POMT1: variants seen among roughly 807,000 people sequenced by gnomAD.
POMT1 encodes the protein protein O-mannosyl-transferase 1.
A neutral mutation model predicts 101.6 loss-of-function variants in POMT1; 85 were observed. That is an observed-to-expected ratio of 0.84 (90% CI 0.70 to 1.00). POMT1 has a LOEUF of 1.00. Among genes scored for constraint, POMT1 ranks in the 50% least tolerant of loss-of-function variants. POMT1 has a pLI of 0.00. For missense variants in POMT1, 857 were observed against 930.4 expected, an observed-to-expected ratio of 0.92 and a Z score of 1.03; for synonymous variants, 371 against 383.0, an observed-to-expected ratio of 0.97 and a Z score of 0.37.
Position 131,522,976 on chromosome 9 carries a change from G to C in POMT1, c.2048G>C (p.Trp683Ser). The stretch of plus-strand genomic sequence containing the variant: ...ATCTTCAGCGCCCTGGTGGTGGCCT[G>C]GTACTCCTCCGCGTGCCACGTGTCC... ...RSIFSALVVA[W>S]YSSACHVSNT... The change falls in exon 20 of 20, where the codon TGG becomes TCG. Residue 683 changes from tryptophan (W) to serine (S), a missense_variant. Physicochemically the swap from Trp to Ser is radical, Grantham distance 177. Coordinates refer to ENST00000402686, the MANE Select transcript of POMT1 (RefSeq NM_001077365.2). The surrounding 1 kb of genome is among the most constrained non-coding windows in gnomAD (Gnocchi z 5.5). 1.9e-6 allele frequency: 3 copies of C among 1,603,750 alleles called. No homozygotes were observed. Among genetic ancestry groups the C allele is most frequent in the Non-Finnish European group, 2.5e-6 (3 of 1,176,842 alleles).
chr9:131,522,370 G>T lies in POMT1; in HGVS notation c.2003+146G>T. ...CGGGTCCCTCCGGGGAATGGGTGAGGTTCAGAAGAGATGCCCAGATGAGGC... is the reference window on the plus strand; with the variant it reads ...CGGGTCCCTCCGGGGAATGGGTGAGTTTCAGAAGAGATGCCCAGATGAGGC... On this transcript the variant is annotated intron_variant, in intron 19 of 19. Transcript: ENST00000402686. This position sits in a 1 kb window ranked among gnomAD's most constrained non-coding sequence, Gnocchi z 5.5. The T allele has an allele frequency of 6.8e-7, 1 of 1,459,996 alleles. No individual in the cohort carries two copies. Among genetic ancestry groups the T allele is most frequent in the Non-Finnish European group, 9.1e-7 (1 of 1,095,386 alleles). 90.4% of individuals were successfully genotyped at this position (1,459,996 alleles called of 1,614,324 possible). A position where few individuals can be genotyped will look rare whatever the true frequency, so the allele number is the denominator to read the frequency against.
In POMT1 at chr9:131,522,999, T is replaced by G. The variant is rs763164453; in HGVS notation, c.2071T>G (p.Ser691Ala). Residue 691 changes from serine (S) to alanine (A), a missense_variant, in exon 20 of 20, where the codon TCC becomes GCC. Transcript: ENST00000402686. This position sits in a 1 kb window ranked among gnomAD's most constrained non-coding sequence, Gnocchi z 5.5. The stretch of plus-strand genomic sequence containing the variant: ...CTGGTACTCCTCCGCGTGCCACGTG[T>G]CCAACACGCTGCGCCCACTCACCTA... ...VAWYSSACHV[S>A]NTLRPLTYGD... 12 of 1,608,870 alleles carry G rather than the reference T, an allele frequency of 7.5e-6. No homozygotes were observed. In the South Asian group the frequency reaches 1.3e-4, roughly 18 times the overall value.
chr9:131,506,959 C>T (rs538541655), intron 4 of POMT1, among the ~76,000 whole-genome samples: 4 of 151,562 alleles, frequency 2.6e-5, no homozygotes, highest in East Asian at 1.9e-4. Context: ...CCCAGCAACT[C>T]GGGAGGCTGA....
chr9:131,515,934 G>A (rs1264002762), intron 13 of POMT1, among the ~76,000 whole-genome samples: 14 of 97,762 alleles, frequency 1.4e-4, no homozygotes, highest in Admixed American at 4.6e-4. Context: ...CTCACAGGGA[G>A]CACTTCCTCA....
Position 131,518,324 on chromosome 9 carries a change from T to G in POMT1, c.1273-121T>G, listed in dbSNP as rs1183519810. The G allele has an allele frequency of 4.5e-6, 4 of 898,150 alleles. No homozygotes were observed. The East Asian group carries it at 9.7e-5, about 22-fold the overall frequency. 55.6% of individuals were successfully genotyped at this position (898,150 alleles called of 1,614,324 possible). On this transcript the variant is annotated intron_variant, in intron 13 of 19. Coordinates refer to ENST00000402686, the MANE Select transcript of POMT1 (RefSeq NM_001077365.2). ...CCAGCCCCTTATAGCTTCCCTCACT[T>G]GGGGACTTGTCCCTTTGTCTCAGGC...
Position 131,519,353 on chromosome 9 carries a change from T to TA in POMT1, c.1487-35dup. 6.5e-7 allele frequency: 1 copy of TA among 1,542,650 alleles called. No homozygotes were observed. On this transcript the variant is annotated intron_variant, in intron 15 of 19. Coordinates refer to ENST00000402686, the MANE Select transcript of POMT1 (RefSeq NM_001077365.2). This position sits in a 1 kb window ranked among gnomAD's most constrained non-coding sequence, Gnocchi z 4.3. ...CTGCTCTGAGCTCTTGACCTTGTGC[T>TA]ACTTCTATCTGTTATGCCCTTGTCT...
rs765733801 is a variant in POMT1, at chr9:131,509,917, G to A, written c.620G>A (p.Gly207Asp). 111 of 1,614,082 alleles carry A rather than the reference G, an allele frequency of 6.9e-5. No homozygotes were observed. Among genetic ancestry groups the A allele is most frequent in the Non-Finnish European group, 9.1e-5 (107 of 1,180,050 alleles). Reference protein sequence around the residue: ...CSCAVGIKYMGVFTYVLVLGV... With the variant: ...CSCAVGIKYMDVFTYVLVLGV... Reference sequence around the variant, plus strand: ...TGTCTTTGCAGCATCAAGTACATGGGTGTGTTCACGTACGTGCTCGTGCTG... The same window carrying A: ...TGTCTTTGCAGCATCAAGTACATGGATGTGTTCACGTACGTGCTCGTGCTG... The change falls in exon 8 of 20, where the codon GGT becomes GAT. Residue 207 changes from glycine to aspartate, a missense_variant. Gly to Asp is a moderately conservative substitution (Grantham distance 94). Coordinates refer to ENST00000402686, the MANE Select transcript of POMT1 (RefSeq NM_001077365.2).
chr9:131,522,180 T>C lies in POMT1; in HGVS notation c.1959T>C (p.Leu653=). The change falls in exon 19 of 20, where the codon CTT becomes CTC. Residue 653 remains leucine (L), a synonymous_variant. Coordinates refer to ENST00000402686, the MANE Select transcript of POMT1 (RefSeq NM_001077365.2). The surrounding 1 kb of genome is among the most constrained non-coding windows in gnomAD (Gnocchi z 5.5). ...HYLPALTFQI[L]LLPVVLQHIS... is the part of the protein sequence containing the mutation. The stretch of plus-strand genomic sequence containing the variant: ...TGCCCGCACTCACCTTCCAAATCCT[T>C]CTGCTCCCTGTGGTCCTGCAGCACA... 1 of 1,614,076 alleles carries C rather than the reference T, an allele frequency of 6.2e-7. No homozygotes were observed. The highest frequency in any genetic ancestry group is 8.5e-7 in the Non-Finnish European group (1 of 1,180,018).
At chr9:131,504,660 A>G (rs548885975) in intron 2 of POMT1, among the ~76,000 whole-genome samples, 1 of 151,918 alleles carries the variant, frequency 6.6e-6, no homozygotes, top group African/African-American at 2.4e-5. Context: ...GTAAGTCTTC[A>G]CTGTTGAGAG....
chr9:131,510,670 A>ATTT, intron 9 of POMT1: 1 of 510,178 alleles, frequency 2.0e-6, no homozygotes, highest in South Asian at 2.0e-5. Context: ...CACCCAGCTA[A>ATTT]TTTTTTTGTT....
chr9:131,514,233 A>G (rs1464148231), intron 12 of POMT1, among the ~76,000 whole-genome samples: 1 of 151,764 alleles, frequency 6.6e-6, no homozygotes, highest in African/African-American at 2.4e-5. Flanking sequence ...ACCGTGCACA[A>G]CCCACTTGCG....
At position 131,521,799 on chromosome 9, in the gene POMT1, T is replaced by C. The variant is rs7870715; in HGVS notation, c.1826-248T>C. Among the ~76,000 whole-genome samples, 134,947 of 152,302 alleles carry C rather than the reference T, an allele frequency of 0.89. 60,512 individuals carry two copies. Among genetic ancestry groups the C allele is most frequent in the South Asian group, 0.97 (4,690 of 4,832 alleles). ...GCAGCGTATTGGGCAGGAATTGCCC[T>C]CTTGGTCCCATGTTGCCCGTATGCG... On this transcript the variant is annotated intron_variant, in intron 18 of 19. Coordinates refer to ENST00000402686, the MANE Select transcript of POMT1 (RefSeq NM_001077365.2).
intron 17 of POMT1, 186 bp from the exon 18 acceptor site, chr9:131,521,160 T>C: frequency 1.3e-6 from 1 of 763,664 alleles, no homozygotes; most frequent in Non-Finnish European, 2.2e-6. Flanking sequence ...GTGCTTTTAA[T>C]GAAAGGTCTG....
intron 13 of POMT1, among the ~76,000 whole-genome samples, chr9:131,517,920 GAC>G (rs1433864142): frequency 4.6e-5 from 7 of 152,268 alleles, no homozygotes; most frequent in African/African-American, 1.7e-4. Context: ...ATGGGAAAAT[GAC>G]AGTCATGTGA....
At chr9:131,521,152 G>A in intron 17 of POMT1, 194 bp from the exon 18 acceptor site, 2 of 719,392 alleles carry the variant, frequency 2.8e-6, no homozygotes, top group Non-Finnish European at 4.7e-6. Flanking sequence ...TGGCATCAGT[G>A]CTTTTAATGA....
In POMT1 at chr9:131,515,523, G is replaced by GT. The variant is rs1415890259; in HGVS notation, c.1272+2dup. On this transcript the variant is annotated splice_donor_variant, in intron 13 of 19. Transcript: ENST00000402686. LOFTEE classifies it high-confidence loss of function. ...GCCCGCCCAGAACCTCTGGAGACTG[G>GT]TGAGTAAGGCTGCGGCTATAGCAGC... The GT allele has an allele frequency of 1.9e-6, 3 of 1,613,838 alleles. No individual in the cohort carries two copies. The highest frequency in any genetic ancestry group is 2.5e-6 in the Non-Finnish European group (3 of 1,179,734).
chr9:131,508,875 A>G (rs777309965), intron 5 of POMT1, 36 bp from the exon 6 acceptor site: 1 of 1,452,678 alleles, frequency 6.9e-7, no homozygotes, highest in South Asian at 1.1e-5. Context: ...TTCCCTTGCT[A>G]CCTTAAAATT....
Position 131,519,068 on chromosome 9 carries a change from C to T in POMT1, c.1486+111C>T, listed in dbSNP as rs1949362784. ...GTGGGAAGGGAACTGAGCACATTCT[C>T]CATGCTCGGTGGCAGGTCATCTCCC... On this transcript the variant is annotated intron_variant, in intron 15 of 19. Coordinates refer to ENST00000402686, the MANE Select transcript of POMT1 (RefSeq NM_001077365.2). This position sits in a 1 kb window ranked among gnomAD's most constrained non-coding sequence, Gnocchi z 4.3. 6.6e-7 allele frequency: 1 copy of T among 1,522,882 alleles called. No individual in the cohort carries two copies. The highest frequency in any genetic ancestry group is 1.4e-5 in the African/African-American group (1 of 73,090). 94.3% of individuals were successfully genotyped at this position (1,522,882 alleles called of 1,614,324 possible).
chr9:131,506,264 A>G, intron 3 of POMT1, 44 bp downstream of exon 3: 4 of 1,594,236 alleles, frequency 2.5e-6, no homozygotes, highest in Non-Finnish European at 3.4e-6. Flanking sequence ...CAGGACCTCA[A>G]ATACATTTAA....
Sources: gnomAD v4.1 joint callset for allele counts (sites outside exome capture counted in the v4.1 genomes callset) on GRCh38, gnomAD v4.1.1 for gene constraint, Gnocchi (gnomAD v3.1) non-coding constraint, MANE v1.5 for transcripts, NCBI Gene and HGNC (gene_info 2026-07-23, HGNC 2026-07-21) for gene names.